The following AGAP1 variants were observed in gnomAD, a reference collection of about 807,000 sequenced individuals.
AGAP1 encodes arf-GAP with GTPase, ANK repeat and PH domain-containing protein 1.
In AGAP1, 29 loss-of-function variants were observed where a neutral mutation model predicts 105.3. That is an observed-to-expected ratio of 0.28 (90% CI 0.21 to 0.38). AGAP1 has a LOEUF of 0.38. AGAP1 is among the 10% of genes least tolerant of loss of function. AGAP1 has a pLI of 1.00. For missense variants in AGAP1, 998 were observed against 1,165.1 expected, an observed-to-expected ratio of 0.86 and a Z score of 2.09; for synonymous variants, 509 against 485.9, an observed-to-expected ratio of 1.05 and a Z score of -0.63.
rs1008312590 is a variant in AGAP1 at position 235,729,550 on chromosome 2, G to A, written c.311-11413G>A. Among the ~76,000 whole-genome samples the A allele has an allele frequency of 2.6e-5, 4 of 152,136 alleles. No homozygotes were observed. The highest frequency in any genetic ancestry group is 4.4e-5 in the Non-Finnish European group (3 of 68,032). On this transcript the variant is annotated intron_variant, in intron 3 of 17. Transcript: ENST00000304032. This position sits in a 1 kb window ranked among gnomAD's most constrained non-coding sequence, Gnocchi z 5.0. ...CCACCTGTGGATGAGAGGCTGGACC[G>A]GGTCTTGGTGCTTTCCAGCTCAGGG...
chr2:235,897,282 C>T (rs912928929), intron 10 of AGAP1, among the ~76,000 whole-genome samples: 15 of 152,072 alleles, frequency 9.9e-5, no homozygotes, highest in Non-Finnish European at 2.1e-4. Flanking sequence ...TCAACTGATC[C>T]GCCCACCTCG....
In AGAP1 at chr2:235,945,710, T is replaced by C. The variant is rs546619397; in HGVS notation, c.1483+14787T>C. 4.3e-3 allele frequency among the ~76,000 whole-genome samples: 661 copies of C among 152,206 alleles called. 3 individuals carry two copies. The highest frequency in any genetic ancestry group is 6.8e-3 in the Non-Finnish European group (460 of 68,008). ...TACCTGTATGAATCCGTTCTCACAC[T>C]GCTATAAATAAACACCTGAGACTGG... On this transcript the variant is annotated intron_variant, in intron 12 of 17. Coordinates refer to ENST00000304032, the MANE Select transcript of AGAP1 (RefSeq NM_001037131.3).
chr2:235,862,148 C>A (rs1045120497), intron 9 of AGAP1, among the ~76,000 whole-genome samples: 1 of 152,172 alleles, frequency 6.6e-6, no homozygotes, highest in Non-Finnish European at 1.5e-5. Flanking sequence ...GGTGTTCATC[C>A]ATGGCTCCAT....
rs1461539670 is a variant in AGAP1 at position 235,906,452 on chromosome 2, G to A, written c.1156-2286G>A. Among the ~76,000 whole-genome samples, 3 of 152,230 alleles carry A rather than the reference G, an allele frequency of 2.0e-5. No homozygotes were observed. Among genetic ancestry groups the A allele is most frequent in the Non-Finnish European group, 2.9e-5 (2 of 68,006 alleles). On this transcript the variant is annotated intron_variant, in intron 10 of 17. Transcript: ENST00000304032. This position sits in a 1 kb window ranked among gnomAD's most constrained non-coding sequence, Gnocchi z 5.3. ...GTCACCAGGGACCCTGAAACATCTT[G>A]TCCCTCTGGGGCTGATGTAGGGGAG...
intron 1 of AGAP1, among the ~76,000 whole-genome samples, chr2:235,530,396 G>A (rs1415494607): frequency 6.6e-6 from 1 of 152,190 alleles, no homozygotes. Context: ...TCCCATTGCA[G>A]CTGTACAAGG....
chr2:236,099,254 T>C lies in AGAP1; in HGVS notation c.2115-20938T>C, dbSNP rs189507386. 1.8e-4 allele frequency among the ~76,000 whole-genome samples: 28 copies of C among 151,940 alleles called. No homozygotes were observed. The East Asian group carries it at 2.2e-3, about 12-fold the overall frequency. On this transcript the variant is annotated intron_variant, in intron 16 of 17. Coordinates refer to ENST00000304032, the MANE Select transcript of AGAP1 (RefSeq NM_001037131.3). ...GATCATGAGGTCAGGAGATTGAGAC[T>C]ATCCTGACTAACAGGGTGAAACCCC...
rs184565961 is a variant in AGAP1, at chr2:235,929,435, T to C, written c.1325-1330T>C. On this transcript the variant is annotated intron_variant, in intron 11 of 17. Coordinates refer to ENST00000304032, the MANE Select transcript of AGAP1 (RefSeq NM_001037131.3). Reference sequence around the variant, plus strand: ...TTTTCTGGAATCAAGCAGACCTGCCTATGAATAATTTCCCTTATGACGTTC... The same window carrying C: ...TTTTCTGGAATCAAGCAGACCTGCCCATGAATAATTTCCCTTATGACGTTC... Among the ~76,000 whole-genome samples the C allele has an allele frequency of 2.5e-3, 375 of 152,326 alleles. 1 individual carries two copies. The highest frequency in any genetic ancestry group is 4.3e-3 in the Non-Finnish European group (292 of 68,032).
At chr2:235,806,230 CAG>C (rs1192482654) in intron 8 of AGAP1, among the ~76,000 whole-genome samples, 2 of 152,200 alleles carry the variant, frequency 1.3e-5, no homozygotes, top group African/African-American at 4.8e-5. Flanking sequence ...TATATCATCT[CAG>C]ATTTGAAAAG....
chr2:235,526,639 G>GT (rs1304744544), intron 1 of AGAP1, among the ~76,000 whole-genome samples: 2 of 147,894 alleles, frequency 1.4e-5, no homozygotes, highest in Non-Finnish European at 3.0e-5. Flanking sequence ...ATTAAAAAAA[G>GT]TTTTTACAAG....
At chr2:235,498,718 G>A (rs773197728) in intron 1 of AGAP1, among the ~76,000 whole-genome samples, 1 of 152,260 alleles carries the variant, frequency 6.6e-6, no homozygotes, top group Middle Eastern at 3.4e-3. Flanking sequence ...TCAGCCAGGC[G>A]GCCCGATTCC....
At position 235,956,239 on chromosome 2, in the gene AGAP1, C is replaced by T. The variant is rs185949782; in HGVS notation, c.1484-12223C>T. On this transcript the variant is annotated intron_variant, in intron 12 of 17. Transcript: ENST00000304032. ...AAATGATTTCATTTCCACCTAACAG[C>T]GCTGCGCATCGTGCCTTCCCATTTA... 8.3e-4 allele frequency among the ~76,000 whole-genome samples: 126 copies of T among 152,310 alleles called. 1 individual carries two copies. The East Asian group carries it at 0.013, about 16-fold the overall frequency.
In AGAP1 at chr2:235,888,442, C is replaced by T. The variant is rs966404472; in HGVS notation, c.1155+4993C>T. 7.2e-5 allele frequency among the ~76,000 whole-genome samples: 11 copies of T among 152,162 alleles called. No individual in the cohort carries two copies. The highest frequency in any genetic ancestry group is 2.6e-4 in the Admixed American group (4 of 15,280). ...TGCATTAGTCAACCAAATTAAATTC[C>T]CAGGCGAGCTCCCCAACCAGTCCTC... On this transcript the variant is annotated intron_variant, in intron 10 of 17. Transcript: ENST00000304032. The surrounding 1 kb of genome is among the most constrained non-coding windows in gnomAD (Gnocchi z 4.8).
intron 13 of AGAP1, among the ~76,000 whole-genome samples, chr2:235,975,321 C>T (rs1161301103): frequency 6.6e-6 from 1 of 152,056 alleles, no homozygotes; most frequent in Non-Finnish European, 1.5e-5. Context: ...ATTAAAGAAT[C>T]GTGCATGCAT....
rs1957383834 is a variant in AGAP1, at chr2:235,799,268, T to C, written c.802-99T>C. 2 of 1,394,312 alleles carry C rather than the reference T, an allele frequency of 1.4e-6. No homozygotes were observed. The highest frequency in any genetic ancestry group is 1.3e-5 in the South Asian group (1 of 75,864). 86.4% of individuals were successfully genotyped at this position (1,394,312 alleles called of 1,614,324 possible). On this transcript the variant is annotated intron_variant, in intron 7 of 17. Transcript: ENST00000304032. This position sits in a 1 kb window ranked among gnomAD's most constrained non-coding sequence, Gnocchi z 5.0. ...CAGCCATTCCCATGCATCCCTTCCATGGGGCTCATGCTCACTTGTTGGTTA... is the reference window on the plus strand; with the variant it reads ...CAGCCATTCCCATGCATCCCTTCCACGGGGCTCATGCTCACTTGTTGGTTA...
chr2:235,631,743 C>A lies in AGAP1; in HGVS notation c.164-77436C>A, dbSNP rs780442844. ...AATTCTGTGAGGTGACACACGGAGC[C>A]TTGGAGCTGCCTGTGGCAGGTGGCG... On this transcript the variant is annotated intron_variant, in intron 1 of 17. Transcript: ENST00000304032. The surrounding 1 kb of genome is among the most constrained non-coding windows in gnomAD (Gnocchi z 5.4). Among the ~76,000 whole-genome samples, 10 of 152,204 alleles carry A rather than the reference C, an allele frequency of 6.6e-5. No individual in the cohort carries two copies. Among genetic ancestry groups the A allele is most frequent in the Non-Finnish European group, 1.3e-4 (9 of 68,038 alleles).
At chr2:236,094,835 A>G (rs1206698611) in intron 16 of AGAP1, among the ~76,000 whole-genome samples, 1 of 151,478 alleles carries the variant, frequency 6.6e-6, no homozygotes, top group African/African-American at 2.4e-5. Flanking sequence ...CTGTAATCCT[A>G]AAACTTTCAG....
At chr2:235,638,205 G>A (rs1350083937) in intron 1 of AGAP1, among the ~76,000 whole-genome samples, 16 of 152,180 alleles carry the variant, frequency 1.1e-4, no homozygotes, top group Non-Finnish European at 2.4e-4. Flanking sequence ...GAGCTGCGTG[G>A]CCTGGGTATA....
intron 1 of AGAP1, among the ~76,000 whole-genome samples, chr2:235,540,384 C>G (rs1943396144): frequency 1.3e-5 from 2 of 152,160 alleles, no homozygotes; most frequent in African/African-American, 4.8e-5. Flanking sequence ...AACTCCTGAT[C>G]TCAGGTGATC....
intron 1 of AGAP1, among the ~76,000 whole-genome samples, chr2:235,680,814 C>T (rs1294196780): frequency 6.6e-6 from 1 of 152,078 alleles, no homozygotes; most frequent in Non-Finnish European, 1.5e-5. Context: ...GCTGCGGGCT[C>T]CCAGAGGTTC....
Sources: allele counts gnomAD v4.1 joint callset (sites outside exome capture counted in the v4.1 genomes callset), GRCh38; gene constraint gnomAD v4.1.1; non-coding constraint Gnocchi (gnomAD v3.1); transcripts MANE v1.5; gene names NCBI Gene and HGNC (gene_info 2026-07-23, HGNC 2026-07-21).